Variants in LHPP observed in about 807,000 individuals in gnomAD.
The protein encoded by LHPP is phospholysine phosphohistidine inorganic pyrophosphate phosphatase, also known as hLHPP.
A neutral mutation model predicts 30.3 loss-of-function variants in LHPP; 24 were observed. That is an observed-to-expected ratio of 0.79 (90% CI 0.57 to 1.11). The LOEUF (loss-of-function observed/expected upper bound fraction) is 1.11, where lower values mean the gene tolerates loss of function less well. Among genes scored for constraint, LHPP ranks in the 50% most tolerant of loss-of-function variants. The pLI, the probability that LHPP is intolerant of heterozygous loss-of-function variation, is 0.00. For missense variants in LHPP, 356 were observed against 367.2 expected (o/e 0.97, Z 0.25); for synonymous variants, 150 against 157.1 (o/e 0.95, Z 0.34).
chr10:124,533,245 T>C (rs994131512), intron 6 of LHPP, among the ~76,000 whole-genome samples: 4 of 152,164 alleles, frequency 2.6e-5, no homozygotes, highest in African/African-American at 7.2e-5. Flanking sequence ...ACTGAGACCA[T>C]TGAGGGAGAC....
intron 3 of LHPP, among the ~76,000 whole-genome samples, chr10:124,495,478 G>T (rs1235474865): frequency 2.0e-5 from 3 of 152,264 alleles, no homozygotes; most frequent in African/African-American, 4.8e-5. Flanking sequence ...GAGGCAGGCA[G>T]TGGAGGACGC....
rs1000174662 is a variant in LHPP at position 124,522,730 on chromosome 10, C to G, written c.716+5459C>G. Among the ~76,000 whole-genome samples the G allele has an allele frequency of 6.7e-5, 10 of 149,840 alleles. No individual in the cohort carries two copies. In the South Asian group the frequency reaches 1.0e-3, roughly 16 times the overall value. On this transcript the variant is annotated intron_variant, in intron 6 of 6. Transcript: ENST00000368842. ...AAGTGCACTGCTGCCCACGCCCCCC[C>G]CCAAGCACTGTCTGCTCCTCCCTGC...
intron 1 of LHPP, among the ~76,000 whole-genome samples, chr10:124,472,375 ATG>A (rs1333902536): frequency 6.6e-6 from 1 of 152,154 alleles, no homozygotes; most frequent in East Asian, 1.9e-4. Context: ...TTAGAAGTTT[ATG>A]TGAGTGCTGG....
In LHPP at chr10:124,461,997, C is replaced by T. The variant is rs1952412114; in HGVS notation, c.125+10C>T. 1.7e-5 allele frequency: 21 copies of T among 1,209,424 alleles called. No individual in the cohort carries two copies. Among genetic ancestry groups the T allele is most frequent in the Non-Finnish European group, 2.2e-5 (21 of 971,996 alleles). 74.9% of individuals were successfully genotyped at this position (1,209,424 alleles called of 1,614,324 possible). ...TGGAGGCGGTGGCCAGGTGAGTGGG[C>T]CCCGGGACGCCGCTGGGGCCGCCGA... On this transcript the variant is annotated intron_variant, in intron 1 of 6. Coordinates refer to ENST00000368842, the MANE Select transcript of LHPP (RefSeq NM_022126.4).
At chr10:124,514,711 A>T (rs2133907026) in intron 5 of LHPP, among the ~76,000 whole-genome samples, 1 of 150,508 alleles carries the variant, frequency 6.6e-6, no homozygotes, top group Admixed American at 6.6e-5. Context: ...GGGATCTTGG[A>T]TCTGTGGATT....
intron 1 of LHPP, among the ~76,000 whole-genome samples, chr10:124,462,561 C>T (rs1225209110): frequency 6.6e-6 from 1 of 152,216 alleles, no homozygotes; most frequent in Non-Finnish European, 1.5e-5. Context: ...CCCCACTGTA[C>T]TCTAGCCTGG....
chr10:124,604,199 G>A (rs9783250), intron 6 of LHPP, among the ~76,000 whole-genome samples: 12,796 of 152,272 alleles, frequency 0.084, 639 homozygotes, highest in Admixed American at 0.14. Context: ...CCCAGGGGAC[G>A]GAGGTCGGAG....
rs1443098180 is a variant in LHPP, at chr10:124,523,099, G to A, written c.716+5828G>A. On this transcript the variant is annotated intron_variant, in intron 6 of 6. Transcript: ENST00000368842. The surrounding 1 kb of genome is among the most constrained non-coding windows in gnomAD (Gnocchi z 4.2). ...CCTGGGAAGCCCCTGCGCTAGTCCT[G>A]GTGCTGCTGTGTAAATAAAGCCGCG... is the stretch of plus-strand genomic sequence containing the variant. 6.6e-6 allele frequency among the ~76,000 whole-genome samples: 1 copy of A among 152,230 alleles called. No individual in the cohort carries two copies. Among genetic ancestry groups the A allele is most frequent in the Admixed American group, 6.5e-5 (1 of 15,286 alleles).
At chr10:124,487,464 A>G (rs555167190) in intron 2 of LHPP, among the ~76,000 whole-genome samples, 3 of 139,990 alleles carry the variant, frequency 2.1e-5, no homozygotes, top group Non-Finnish European at 4.6e-5. Context: ...TTTTTTTGAG[A>G]CAGAGTCTCG....
At position 124,480,803 on chromosome 10, in the gene LHPP, C is replaced by T. The variant is rs77645001; in HGVS notation, c.126-3336C>T. ...GAATCACCCATCCTATTGAAGAAGA[C>T]GTTGCCAGCCTCTGGTCTGCATTCA... On this transcript the variant is annotated intron_variant, in intron 1 of 6. Transcript: ENST00000368842. Among the ~76,000 whole-genome samples the T allele has an allele frequency of 8.3e-3, 1,264 of 152,302 alleles. 18 individuals are homozygous for T. Among genetic ancestry groups the T allele is most frequent in the African/African-American group, 0.028 (1,145 of 41,554 alleles).
intron 1 of LHPP, among the ~76,000 whole-genome samples, chr10:124,470,678 CAACAAT>C (rs1280168728): frequency 1.2e-4 from 14 of 114,352 alleles, no homozygotes; most frequent in African/African-American, 3.8e-4. Context: ...ACAACAACAA[CAACAAT>C]AATAATAATG....
intron 6 of LHPP, among the ~76,000 whole-genome samples, chr10:124,597,732 G>T (rs1206047567): frequency 6.8e-6 from 1 of 147,312 alleles, no homozygotes; most frequent in Non-Finnish European, 1.5e-5. Context: ...CCTGCCCTGA[G>T]CCCAGCGTGT....
At chr10:124,529,996 A>C (rs1954852578) in intron 6 of LHPP, among the ~76,000 whole-genome samples, 1 of 152,170 alleles carries the variant, frequency 6.6e-6, no homozygotes, top group Non-Finnish European at 1.5e-5. Flanking sequence ...GCGGCTGGAG[A>C]GGTGCCTTGC....
In LHPP at chr10:124,498,108, A is replaced by G. The variant is rs1397081580; in HGVS notation, c.604A>G (p.Ile202Val). 6.2e-7 allele frequency: 1 copy of G among 1,613,744 alleles called. No homozygotes were observed. The highest frequency in any genetic ancestry group is 1.7e-5 in the Admixed American group (1 of 60,008). The change falls in exon 5 of 7, where the codon ATA (isoleucine) becomes GTA (valine). Residue 202 changes from isoleucine (I) to valine (V), a missense_variant. Transcript: ENST00000368842. ...GTTTTTCAAGTCTGCCCTGCAAGCG[A>G]TAGGAGTGGAAGCCCACCAGGTAGG... is the stretch of plus-strand genomic sequence containing the variant. ...PEFFKSALQA[I>V]GVEAHQAVMI...
chr10:124,578,053 C>T (rs1422539661), intron 6 of LHPP, among the ~76,000 whole-genome samples: 2 of 152,152 alleles, frequency 1.3e-5, no homozygotes, highest in African/African-American at 4.8e-5. Flanking sequence ...CAGCCGAGAA[C>T]CTGACTGGGA....
intron 6 of LHPP, among the ~76,000 whole-genome samples, chr10:124,577,622 C>G (rs1948680307): frequency 2.0e-5 from 2 of 99,750 alleles, no homozygotes; most frequent in African/African-American, 5.9e-5. Context: ...TCTCTCCTTC[C>G]CTGATGTGAA....
At chr10:124,547,722 G>A (rs1955386707) in intron 6 of LHPP, among the ~76,000 whole-genome samples, 1 of 138,362 alleles carries the variant, frequency 7.2e-6, no homozygotes, top group Admixed American at 6.9e-5. Flanking sequence ...TGCTCAGGCT[G>A]GACCCAGCCC....
chr10:124,568,104 C>T (rs1179384652), intron 6 of LHPP, among the ~76,000 whole-genome samples: 1 of 151,952 alleles, frequency 6.6e-6, no homozygotes, highest in Non-Finnish European at 1.5e-5. Flanking sequence ...TCAGTAGAGA[C>T]GGGGTTTCAC....
At chr10:124,534,804 G>A (rs1298012155) in intron 6 of LHPP, among the ~76,000 whole-genome samples, 1 of 152,222 alleles carries the variant, frequency 6.6e-6, no homozygotes, top group Non-Finnish European at 1.5e-5. Flanking sequence ...TGGCTGACAC[G>A]AGGTGGAGAG....
Sources: gnomAD v4.1 joint callset for allele counts (sites outside exome capture counted in the v4.1 genomes callset) on GRCh38, gnomAD v4.1.1 for gene constraint, Gnocchi (gnomAD v3.1) non-coding constraint, MANE v1.5 for transcripts, NCBI Gene and HGNC (gene_info 2026-07-23, HGNC 2026-07-21) for gene names.